The following KIF26B variants were observed in gnomAD, a reference collection of about 807,000 sequenced individuals.
KIF26B encodes kinesin family member 26B.
In KIF26B, 63 loss-of-function variants were observed where a neutral mutation model predicts 151.2. The ratio of observed to expected loss-of-function variants is 0.42; its 90% confidence interval spans 0.34 to 0.51. KIF26B has a LOEUF of 0.51. KIF26B is among the 20% of genes least tolerant of loss of function. KIF26B has a pLI of 0.07. For synonymous variants in KIF26B, 1,357 were observed against 1,262.1 expected (o/e 1.08, Z -1.59); for missense variants, 2,813 against 2,913.6 (o/e 0.97, Z 0.79).
At chr1:245,401,892 A>ACAC (rs1558151703) in intron 3 of KIF26B, among the ~76,000 whole-genome samples, 1 of 148,362 alleles carries the variant, frequency 6.7e-6, no homozygotes, top group Non-Finnish European at 1.5e-5. Flanking sequence ...CAAACAAAGA[A>ACAC]ACACACACAC....
chr1:245,349,498 AAACCTATGAAACAC>A (rs1672521126), intron 2 of KIF26B, among the ~76,000 whole-genome samples: 1 of 151,688 alleles, frequency 6.6e-6, no homozygotes, highest in African/African-American at 2.4e-5. Context: ...CCACATCCCT[AAACCTATGAAACAC>A]ACAGTACTCA....
intron 4 of KIF26B, among the ~76,000 whole-genome samples, chr1:245,420,346 C>T (rs976048341): frequency 7.9e-5 from 12 of 152,156 alleles, no homozygotes; most frequent in Admixed American, 4.6e-4. Context: ...ATGGCAGAGA[C>T]GGGGCGGGAG....
intron 2 of KIF26B, among the ~76,000 whole-genome samples, chr1:245,221,493 C>T (rs1285331805): frequency 6.6e-6 from 1 of 151,512 alleles, no homozygotes; most frequent in African/African-American, 2.4e-5. Context: ...CTGTAACCTT[C>T]GCTTCCCCTG....
chr1:245,692,744 G>A (rs1332157086), intron 12 of KIF26B, among the ~76,000 whole-genome samples: 2 of 152,174 alleles, frequency 1.3e-5, no homozygotes, highest in African/African-American at 2.4e-5. Context: ...AGTTGGCAAT[G>A]GGGAGTCATT....
At chr1:245,324,185 G>A (rs1358242231) in intron 2 of KIF26B, among the ~76,000 whole-genome samples, 2 of 151,026 alleles carry the variant, frequency 1.3e-5, no homozygotes, top group Non-Finnish European at 3.0e-5. Context: ...TGGAGGTGGA[G>A]GTGGGGTGGG....
intron 4 of KIF26B, among the ~76,000 whole-genome samples, chr1:245,434,552 C>T (rs1183250754): frequency 6.6e-6 from 1 of 152,154 alleles, no homozygotes; most frequent in Non-Finnish European, 1.5e-5. Context: ...CATTTGCTTG[C>T]ACAAAACCTT....
intron 4 of KIF26B, among the ~76,000 whole-genome samples, chr1:245,523,255 TG>T (rs1402286430): frequency 2.0e-5 from 3 of 152,220 alleles, no homozygotes; most frequent in Admixed American, 6.5e-5. Flanking sequence ...ACTAAATAAA[TG>T]CTTGCTAAAG....
chr1:245,532,474 C>T (rs533362149), intron 4 of KIF26B, among the ~76,000 whole-genome samples: 301 of 151,824 alleles, frequency 2.0e-3, no homozygotes, highest in African/African-American at 6.8e-3. Context: ...CTCGATCTCC[C>T]GACCTCGTGA....
Position 245,303,344 on chromosome 1 carries a change from G to T in KIF26B, c.466-63490G>T, listed in dbSNP as rs569597607. 3.8e-4 allele frequency among the ~76,000 whole-genome samples: 58 copies of T among 151,210 alleles called. No individual in the cohort carries two copies. The South Asian group carries it at 5.3e-3, about 14-fold the overall frequency. ...CTCCCGAGTAGCTGGGACTACAGGT[G>T]CCCGCCACCACGCCCGGCTAATTTT... On this transcript the variant is annotated intron_variant, in intron 2 of 14. Coordinates refer to ENST00000407071, the MANE Select transcript of KIF26B (RefSeq NM_018012.4).
At position 245,429,399 on chromosome 1, in the gene KIF26B, A is replaced by G. The variant is rs1658725590; in HGVS notation, c.1166+9654A>G. Reference sequence around the variant, plus strand: ...TCTGTGGCAATTATAAAGATCTGGTATCATGTCTCTGAGAACAAAAACCAC... The same window carrying G: ...TCTGTGGCAATTATAAAGATCTGGTGTCATGTCTCTGAGAACAAAAACCAC... On this transcript the variant is annotated intron_variant, in intron 4 of 14. Transcript: ENST00000407071. Among the ~76,000 whole-genome samples the G allele has an allele frequency of 1.3e-5, 2 of 152,282 alleles. 1 individual carries two copies. Among genetic ancestry groups the G allele is most frequent in the Non-Finnish European group, 2.9e-5 (2 of 68,016 alleles).
intron 2 of KIF26B, among the ~76,000 whole-genome samples, chr1:245,161,112 A>T (rs1424036253): frequency 6.6e-6 from 1 of 152,238 alleles, no homozygotes; most frequent in Non-Finnish European, 1.5e-5. Context: ...TCTTTCTCAT[A>T]TCAGAAGTAT....
At chr1:245,546,461 T>G (rs748431976) in intron 5 of KIF26B, among the ~76,000 whole-genome samples, 2 of 152,230 alleles carry the variant, frequency 1.3e-5, no homozygotes, top group Non-Finnish European at 2.9e-5. Context: ...CTCATGCCTT[T>G]CAGCCCACCA....
rs531235757 is a variant in KIF26B at position 245,606,332 on chromosome 1, G to A, written c.1558-1319G>A. Among the ~76,000 whole-genome samples, 23 of 152,216 alleles carry A rather than the reference G, an allele frequency of 1.5e-4. No individual in the cohort carries two copies. The highest frequency in any genetic ancestry group is 4.3e-4 in the African/African-American group (18 of 41,534). On this transcript the variant is annotated intron_variant, in intron 6 of 14. Coordinates refer to ENST00000407071, the MANE Select transcript of KIF26B (RefSeq NM_018012.4). The surrounding 1 kb of genome is among the most constrained non-coding windows in gnomAD (Gnocchi z 4.6). ...TGTGCTGCTGAATAACAACATTCAC[G>A]GCCCAGGTGCCCACCGGGAGGCACG...
Position 245,687,061 on chromosome 1 carries a change from T to C in KIF26B, c.4078T>C (p.Cys1360Arg). 6.2e-7 allele frequency: 1 copy of C among 1,613,482 alleles called. No individual in the cohort carries two copies. The highest frequency in any genetic ancestry group is 8.5e-7 in the Non-Finnish European group (1 of 1,179,812). Reference protein sequence around the residue: ...SFNKAAPIKGCKISTVSKAMV... With the variant: ...SFNKAAPIKGRKISTVSKAMV... ...CAACAAAGCAGCCCCCATCAAAGGC[T>C]GCAAAATATCCACAGTGAGCAAGGC... The change falls in exon 12 of 15, where the codon TGC (cysteine) becomes CGC (arginine). Residue 1360 changes from cysteine to arginine, a missense_variant. By Grantham distance (180) the Cys-to-Arg change is radical. Around this residue, in one of 3 missense-constraint regions of KIF26B, gnomAD observed 2,060 missense variants for 2,088.6 expected, o/e 0.99. Coordinates refer to ENST00000407071, the MANE Select transcript of KIF26B (RefSeq NM_018012.4). This position sits in a 1 kb window ranked among gnomAD's most constrained non-coding sequence, Gnocchi z 4.9.
intron 5 of KIF26B, among the ~76,000 whole-genome samples, chr1:245,579,073 C>A (rs1003155735): frequency 6.6e-6 from 1 of 152,086 alleles, no homozygotes; most frequent in African/African-American, 2.4e-5. Context: ...GTCCTGTTTC[C>A]TTTTCATTTT....
chr1:245,592,843 C>T (rs1038250806), intron 5 of KIF26B, among the ~76,000 whole-genome samples: 1 of 152,158 alleles, frequency 6.6e-6, no homozygotes, highest in African/African-American at 2.4e-5. Context: ...TCTCTGGGGT[C>T]CTTTCAGGCA....
rs1004131955 is a variant in KIF26B, at chr1:245,238,968, G to T, written c.465+82285G>T. ...ATTTCTACACTTCCTTCTGGGTGTT[G>T]GTAGCAAACTCTCTGTAGACCCGAC... is the stretch of plus-strand genomic sequence containing the variant. On this transcript the variant is annotated intron_variant, in intron 2 of 14. Transcript: ENST00000407071. Among the ~76,000 whole-genome samples, 15 of 152,296 alleles carry T rather than the reference G, an allele frequency of 9.8e-5. No homozygotes were observed. The South Asian group carries it at 1.5e-3, about 15-fold the overall frequency.
At chr1:245,343,174 G>A (rs1672372207) in intron 2 of KIF26B, among the ~76,000 whole-genome samples, 1 of 151,940 alleles carries the variant, frequency 6.6e-6, no homozygotes, top group Non-Finnish European at 1.5e-5. Context: ...TTCACTATAA[G>A]TTTGTTTATG....
chr1:245,494,675 T>A (rs1166115235), intron 4 of KIF26B, among the ~76,000 whole-genome samples: 1 of 152,092 alleles, frequency 6.6e-6, no homozygotes, highest in East Asian at 1.9e-4. Context: ...TTTCAAAATA[T>A]CTGTGATTCA....
Sources: allele counts gnomAD v4.1 joint callset (sites outside exome capture counted in the v4.1 genomes callset), GRCh38; gene constraint gnomAD v4.1.1; regional missense constraint gnomAD v4.1.1; non-coding constraint Gnocchi (gnomAD v3.1); transcripts MANE v1.5; gene names NCBI Gene and HGNC (gene_info 2026-07-23, HGNC 2026-07-21).